MBP: variants seen among roughly 807,000 people sequenced by gnomAD.
MBP encodes myelin basic protein.
Under a neutral mutation model 35.8 loss-of-function variants are expected in MBP, and 16 were observed. The observed-to-expected ratio is 0.45, with a 90% CI of 0.30 to 0.68. The LOEUF (loss-of-function observed/expected upper bound fraction) is 0.68, where lower values mean the gene tolerates loss of function less well. MBP is among the 30% of genes least tolerant of loss of function. The pLI is 0.08. For missense variants in MBP, 380 were observed against 404.7 expected (o/e 0.94, Z 0.52); for synonymous variants, 143 against 159.6 (o/e 0.90, Z 0.78).
At chr18:77,016,292 A>G (rs1170036181) in intron 4 of MBP, 2 of 986,104 alleles carry the variant, frequency 2.0e-6, no homozygotes, top group African/African-American at 3.5e-5. Context: ...CCCCCCTTCC[A>G]CTTCTCAGAC....
chr18:77,012,954 A>G (rs905117246), intron 4 of MBP: 2 of 985,346 alleles, frequency 2.0e-6, no homozygotes, highest in East Asian at 2.3e-4. Flanking sequence ...GGAAGTTGCA[A>G]AATCACTGCC....
intron 3 of MBP, among the ~76,000 whole-genome samples, chr18:77,027,835 A>G (rs150158353): frequency 7.2e-5 from 11 of 152,282 alleles, no homozygotes; most frequent in African/African-American, 2.6e-4. Context: ...CTACAGGTAC[A>G]TGAGACCATC....
chr18:77,118,476 A>G (rs1017446376), intron 1 of MBP, among the ~76,000 whole-genome samples: 3 of 152,074 alleles, frequency 2.0e-5, no homozygotes, highest in Admixed American at 2.0e-4. Flanking sequence ...GCCAAATCCA[A>G]GAGGAAATGC....
At position 76,979,142 on chromosome 18, in the gene MBP, G is replaced by A. The variant is rs1034741874; in HGVS notation, c.*1285C>T. The A allele has an allele frequency of 9.2e-5, 14 of 152,166 alleles. No homozygotes were observed. Among genetic ancestry groups the A allele is most frequent in the African/African-American group, 3.1e-4 (13 of 41,432 alleles). The allele number at this position is 152,166 out of a possible 1,614,324, so 9.4% of individuals were successfully genotyped here. A position where few individuals can be genotyped will look rare whatever the true frequency, so the allele number is the denominator to read the frequency against. Reference sequence around the variant, plus strand: ...ATCACGCTGACTACTCCTCATCTCCGTCCTCGGGGAGGGTGATGCCAGCGT... The same window carrying A: ...ATCACGCTGACTACTCCTCATCTCCATCCTCGGGGAGGGTGATGCCAGCGT... On this transcript the variant is annotated 3_prime_UTR_variant, in exon 9 of 9. Transcript: ENST00000355994.
At chr18:77,078,730 G>A (rs913798906) in intron 2 of MBP, among the ~76,000 whole-genome samples, 1 of 152,246 alleles carries the variant, frequency 6.6e-6, no homozygotes, top group Non-Finnish European at 1.5e-5. Context: ...TGACAGGTGA[G>A]TTCCATCCCG....
At chr18:77,109,740 G>T (rs1976389801) in intron 1 of MBP, 1 of 152,176 alleles carries the variant, frequency 6.6e-6, no homozygotes, top group African/African-American at 2.4e-5. Flanking sequence ...GTGCCATAAT[G>T]CAAGGTCAAG....
At chr18:77,126,296 T>A (rs1415102248) in intron 1 of MBP, among the ~76,000 whole-genome samples, 2 of 152,196 alleles carry the variant, frequency 1.3e-5, no homozygotes, top group Admixed American at 6.5e-5. Context: ...CTATCCATCA[T>A]ACCATGAAGT....
In MBP at chr18:76,990,061, C is replaced by A. The variant is rs2123139419; in HGVS notation, c.577-1G>T. ...CAGTTCTTGCCGGGTGGTGTGAGTC[C>A]TGAAACACAGAGGCGCGGTGACCTC... On this transcript the variant is annotated splice_acceptor_variant, in intron 4 of 8. Coordinates refer to ENST00000355994, the MANE Select transcript of MBP (RefSeq NM_001025101.2). LOFTEE classifies it high-confidence loss of function. 1 of 1,609,782 alleles carries A rather than the reference C, an allele frequency of 6.2e-7. No individual in the cohort carries two copies. Among genetic ancestry groups the A allele is most frequent in the South Asian group, 1.1e-5 (1 of 90,590 alleles).
At chr18:77,087,176 C>G (rs1386233689) in intron 2 of MBP, among the ~76,000 whole-genome samples, 1 of 152,244 alleles carries the variant, frequency 6.6e-6, no homozygotes, top group Non-Finnish European at 1.5e-5. Context: ...GGACTCCTGA[C>G]CCATCCAGGA....
chr18:77,007,496 C>G (rs1215698091), intron 4 of MBP, among the ~76,000 whole-genome samples: 5 of 152,198 alleles, frequency 3.3e-5, no homozygotes, highest in Non-Finnish European at 7.4e-5. Context: ...GAAGTTGAGG[C>G]CTCTAGCACG....
intron 3 of MBP, chr18:77,017,478 C>G: frequency 2.5e-6 from 1 of 405,856 alleles, no homozygotes; most frequent in African/African-American, 2.0e-5. Flanking sequence ...GGGAATTCCT[C>G]AGTTACTCGA....
intron 3 of MBP, among the ~76,000 whole-genome samples, chr18:77,060,768 G>A (rs2008547): frequency 0.45 from 69,134 of 151,976 alleles, 17,861 homozygotes; most frequent in African/African-American, 0.71. Flanking sequence ...TCTCTCAATG[G>A]GCCCTTGCAA....
chr18:77,124,367 C>T (rs2145235910), intron 1 of MBP, among the ~76,000 whole-genome samples: 1 of 152,310 alleles, frequency 6.6e-6, no homozygotes, highest in Middle Eastern at 3.4e-3. Context: ...ATATTAATCC[C>T]TTTACTCTTA....
chr18:77,016,605 C>T lies in MBP; in HGVS notation c.576+227G>A, dbSNP rs985597326. On this transcript the variant is annotated intron_variant, in intron 4 of 8. Coordinates refer to ENST00000355994, the MANE Select transcript of MBP (RefSeq NM_001025101.2). ...GTCCTTACATTCCTGAGCCACACCC[C>T]GGCCACCATCCCTTGTGAGGAAAAG... 154 of 1,401,876 alleles carry T rather than the reference C, an allele frequency of 1.1e-4. No individual in the cohort carries two copies. The African/African-American group carries it at 1.7e-3, about 15-fold the overall frequency. 86.8% of individuals were successfully genotyped at this position (1,401,876 alleles called of 1,614,324 possible).
At chr18:76,986,112 G>C (rs1024876137) in intron 7 of MBP, 1 of 985,592 alleles carries the variant, frequency 1.0e-6, no homozygotes, top group Non-Finnish European at 1.2e-6. Flanking sequence ...GTCCTCCCAC[G>C]GTGGGTGCAC....
chr18:77,027,325 T>C (rs1419624891), intron 3 of MBP, among the ~76,000 whole-genome samples: 1 of 152,206 alleles, frequency 6.6e-6, no homozygotes. Context: ...TAAAGTGACA[T>C]TGTAGGGTTG....
intron 4 of MBP, chr18:77,015,636 G>A (rs1411634760): frequency 3.0e-6 from 3 of 985,420 alleles, no homozygotes; most frequent in Non-Finnish European, 3.6e-6. Flanking sequence ...ACAGATGGTA[G>A]AGATGTTAAC....
chr18:77,082,767 C>CAT (rs1214473714), intron 2 of MBP, among the ~76,000 whole-genome samples: 1,798 of 36,002 alleles, frequency 0.05, no homozygotes, highest in South Asian at 0.086. Flanking sequence ...GCAGCTGGAC[C>CAT]AGGTGGTCTG....
rs1351332281 is a variant in MBP, at chr18:76,979,971, C to A, written c.*456G>T. The A allele has an allele frequency of 7.1e-6, 5 of 702,328 alleles. No homozygotes were observed. The East Asian group carries it at 1.1e-4, about 15-fold the overall frequency. The allele number at this position is 702,328 out of a possible 1,614,324, so 43.5% of individuals were successfully genotyped here. ...GTGAGAGAAGGACAGGAAAAAAAAACAAAGGAAGCTTGGATGTCAACAGTC... is the reference window on the plus strand; with the variant it reads ...GTGAGAGAAGGACAGGAAAAAAAAAAAAAGGAAGCTTGGATGTCAACAGTC... On this transcript the variant is annotated 3_prime_UTR_variant, in exon 9 of 9. Coordinates refer to ENST00000355994, the MANE Select transcript of MBP (RefSeq NM_001025101.2).
Sources: gnomAD v4.1 joint callset for allele counts (sites outside exome capture counted in the v4.1 genomes callset) on GRCh38, gnomAD v4.1.1 for gene constraint, MANE v1.5 for transcripts, NCBI Gene and HGNC (gene_info 2026-07-23, HGNC 2026-07-21) for gene names.